Variants in ROBO4 observed in about 807,000 individuals in gnomAD.
ROBO4 encodes the protein roundabout guidance receptor 4.
ROBO4 carries 80 observed loss-of-function variants against 103.3 expected under a neutral mutation model. The ratio of observed to expected loss-of-function variants is 0.77; its 90% CI spans 0.65 to 0.93. The LOEUF (loss-of-function observed/expected upper bound fraction) is 0.93. Ranked by LOEUF, ROBO4 falls within the 40% of genes least tolerant of loss-of-function variation. The pLI, the probability that ROBO4 is intolerant of heterozygous loss-of-function variation, is 0.00. For missense variants in ROBO4, 1,333 were observed against 1,305.3 expected, an observed-to-expected ratio of 1.02 and a Z score of -0.33; for synonymous variants, 504 against 529.7, an observed-to-expected ratio of 0.95 and a Z score of 0.67.
In ROBO4 at chr11:124,897,217, G is replaced by C. The variant is rs1424556467; in HGVS notation, c.115C>G (p.Gln39Glu). The change falls in exon 2 of 18, where the codon CAG (glutamine) becomes GAG (glutamate). Residue 39 changes from glutamine to glutamate, a missense_variant. Gln to Glu is a conservative substitution (Grantham distance 29). Coordinates refer to ENST00000306534, the MANE Select transcript of ROBO4 (RefSeq NM_019055.6). ...DSPPQILVHP[Q>E]DQLFQGPGPA... ...CCAGGGCCCTGGAACAGCTGGTCCT[G>C]GGGGTGGACTAGGATCTGGGGCGGG... The C allele has an allele frequency of 2.0e-6, 3 of 1,483,440 alleles. No homozygotes were observed. Among genetic ancestry groups the C allele is most frequent in the African/African-American group, 2.8e-5 (2 of 71,302 alleles). The allele number at this position is 1,483,440 out of a possible 1,614,324, so 91.9% of individuals were successfully genotyped here.
intron 12 of ROBO4, among the ~76,000 whole-genome samples, chr11:124,889,745 G>C (rs550305372): frequency 5.1e-4 from 78 of 152,270 alleles, no homozygotes; most frequent in African/African-American, 1.9e-3. Context: ...CAAGGGGAGT[G>C]GGTGGTACTG....
chr11:124,884,641 G>C lies in ROBO4; in HGVS notation c.*250C>G, dbSNP rs1565320256. The C allele has an allele frequency of 1.7e-6, 1 of 586,300 alleles. No homozygotes were observed. The highest frequency in any genetic ancestry group is 3.0e-5 in the Admixed American group (1 of 33,472). The allele number at this position is 586,300 out of a possible 1,614,324, so 36.3% of individuals were successfully genotyped here. ...CCTGGTGGTGGGAGTGGATGGCACAGAGGAGAAAGCAGTGGCTAGGAGTCA... is the reference window on the plus strand; with the variant it reads ...CCTGGTGGTGGGAGTGGATGGCACACAGGAGAAAGCAGTGGCTAGGAGTCA... On this transcript the variant is annotated 3_prime_UTR_variant, in exon 18 of 18. Transcript: ENST00000306534.
Position 124,891,301 on chromosome 11 carries a change from T to A in ROBO4, c.1946A>T (p.Gln649Leu), listed in dbSNP as rs537736034. ...ATGTCTATTCTCCCCCTCCTTACCC[T>A]GCTTCTTTTTGGCCTTCCAAGCCTC... ...PAEAWKAKKK[Q>L]ELQHANSSPL... Residue 649 changes from glutamine to leucine, a missense_variant and splice_region_variant, in exon 12 of 18, where the codon CAG becomes CTG. Physicochemically the swap from Gln to Leu is moderately radical, Grantham distance 113 (BLOSUM62 -2). Transcript: ENST00000306534. The A allele has an allele frequency of 6.6e-7, 1 of 1,517,600 alleles. No homozygotes were observed. Among genetic ancestry groups the A allele is most frequent in the East Asian group, 2.3e-5 (1 of 44,032 alleles). The allele number at this position is 1,517,600 out of a possible 1,614,324, so 94.0% of individuals were successfully genotyped here. A position where few individuals can be genotyped will look rare whatever the true frequency, so the allele number is the denominator to read the frequency against.
chr11:124,897,352 G>T, intron 1 of ROBO4, 91 bp from the exon 2 acceptor site: 1 of 1,028,426 alleles, frequency 9.7e-7, no homozygotes, highest in Non-Finnish European at 1.4e-6. Flanking sequence ...TTGTGTGCGA[G>T]TTTGCCAGAA....
intron 16 of ROBO4, among the ~76,000 whole-genome samples, chr11:124,886,105 C>A (rs1946706591): frequency 6.6e-6 from 1 of 152,182 alleles, no homozygotes; most frequent in South Asian, 2.1e-4. Flanking sequence ...GCAGGAGAAT[C>A]TCTTGAACCT....
intron 10 of ROBO4, 91 bp from the exon 11 acceptor site, chr11:124,891,893 A>G: frequency 7.0e-7 from 1 of 1,432,992 alleles, no homozygotes; most frequent in Non-Finnish European, 9.6e-7. Context: ...AGGCAGCAGA[A>G]GAGGGCAAGG....
At chr11:124,887,559 C>A in intron 13 of ROBO4, 60 bp from the exon 14 acceptor site, 1 of 1,600,602 alleles carries the variant, frequency 6.2e-7, no homozygotes, top group Non-Finnish European at 8.5e-7. Flanking sequence ...TGGAGCTCAG[C>A]CTGCCGGCCT....
rs1057049738 is a variant in ROBO4, at chr11:124,895,776, G to T, written c.807+9C>A. The T allele has an allele frequency of 1.2e-6, 2 of 1,614,086 alleles. No individual in the cohort carries two copies. The highest frequency in any genetic ancestry group is 1.7e-6 in the Non-Finnish European group (2 of 1,180,028). ...GGATCGGCTTTTACCCTTAGCACCT[G>T]GTCCTCACCTTCCAGCTGAGCCACA... On this transcript the variant is annotated intron_variant, in intron 5 of 17. Coordinates refer to ENST00000306534, the MANE Select transcript of ROBO4 (RefSeq NM_019055.6).
intron 6 of ROBO4, 84 bp from the exon 7 acceptor site, chr11:124,895,277 G>A: frequency 8.2e-7 from 1 of 1,221,522 alleles, no homozygotes; most frequent in East Asian, 2.4e-5. Flanking sequence ...CACAGCGTCA[G>A]AACCCTACTG....
Position 124,895,447 on chromosome 11 carries a change from A to G in ROBO4, c.1036+10T>C. 1.2e-6 allele frequency: 2 copies of G among 1,607,182 alleles called. No individual in the cohort carries two copies. Among genetic ancestry groups the G allele is most frequent in the Non-Finnish European group, 1.7e-6 (2 of 1,179,030 alleles). On this transcript the variant is annotated intron_variant, in intron 6 of 17. Transcript: ENST00000306534. Reference sequence around the variant, plus strand: ...GATATTGTTGGCTTCTGAAGGGATCAGGCCCTGACCTTTTTCCGGCAGCCT... The same window carrying G: ...GATATTGTTGGCTTCTGAAGGGATCGGGCCCTGACCTTTTTCCGGCAGCCT...
intron 12 of ROBO4, among the ~76,000 whole-genome samples, chr11:124,890,833 G>T (rs1244080308): frequency 6.6e-6 from 1 of 152,194 alleles, no homozygotes; most frequent in Non-Finnish European, 1.5e-5. Flanking sequence ...CCTGTACATA[G>T]TACACCAGGA....
intron 4 of ROBO4, 134 bp downstream of exon 4, chr11:124,896,064 G>C (rs1946884138): frequency 6.6e-7 from 1 of 1,511,874 alleles, no homozygotes; most frequent in Admixed American, 1.8e-5. Context: ...TAGCAGGGGG[G>C]AACCTCCCGC....
rs60198081 is a variant in ROBO4 at position 124,891,947 on chromosome 11, G to A, written c.1548-145C>T. ...TACTACTGCTTTTCAGCTTTTCACA[G>A]ACTCCTTAAGATCTCTGACCTGGTC... On this transcript the variant is annotated intron_variant, in intron 10 of 17. Coordinates refer to ENST00000306534, the MANE Select transcript of ROBO4 (RefSeq NM_019055.6). The A allele has an allele frequency of 5.4e-3, 5,001 of 927,264 alleles. 161 individuals are homozygous for A. In the African/African-American group the frequency reaches 0.07, roughly 13 times the overall value. The allele number at this position is 927,264 out of a possible 1,614,324, so 57.4% of individuals were successfully genotyped here. A position where few individuals can be genotyped will look rare whatever the true frequency, so the allele number is the denominator to read the frequency against.
intron 3 of ROBO4, 28 bp from the exon 4 acceptor site, chr11:124,896,346 C>A (rs775450968): frequency 6.2e-7 from 1 of 1,612,794 alleles, no homozygotes; most frequent in Non-Finnish European, 8.5e-7. Flanking sequence ...ACTGTGAAGT[C>A]TCCTATGTGG....
rs757442273 is a variant in ROBO4, at chr11:124,886,484, T to C, written c.2774A>G (p.Glu925Gly). 1.2e-6 allele frequency: 2 copies of C among 1,613,840 alleles called. No homozygotes were observed. The highest frequency in any genetic ancestry group is 1.7e-6 in the Non-Finnish European group (2 of 1,179,768). Residue 925 changes from glutamate (E) to glycine (G), a missense_variant, in exon 16 of 18, where the codon GAG (glutamate) becomes GGG (glycine). Coordinates refer to ENST00000306534, the MANE Select transcript of ROBO4 (RefSeq NM_019055.6). ...CATACCTATGAAGACGCAGTCTGCC[T>C]CCCTGGGCTCTAGACCGAAACCAAA... ...DSFGFGLEPREADCVFIDASS... is the reference protein window; with the variant it reads ...DSFGFGLEPRGADCVFIDASS...
In ROBO4 at chr11:124,896,332, G is replaced by C. The variant is rs1946890075; in HGVS notation, c.559-14C>G. On this transcript the variant is annotated splice_polypyrimidine_tract_variant and intron_variant, in intron 3 of 17. Transcript: ENST00000306534. ...CCCCCCGGACACCTGTCAGGGCCAG[G>C]TTCACTGTGAAGTCTCCTATGTGGG... is the stretch of plus-strand genomic sequence containing the variant. The C allele has an allele frequency of 2.5e-6, 4 of 1,613,450 alleles. No homozygotes were observed. The highest frequency in any genetic ancestry group is 3.4e-6 in the Non-Finnish European group (4 of 1,179,848).
intron 13 of ROBO4, 68 bp from the exon 14 acceptor site, chr11:124,887,567 C>T (rs1431446114): frequency 2.5e-6 from 4 of 1,597,690 alleles, no homozygotes; most frequent in African/African-American, 1.3e-5. Context: ...AGCCTGCCGG[C>T]CTGCCCACCA....
intron 11 of ROBO4, 32 bp from the exon 12 acceptor site, chr11:124,891,594 G>A (rs759196170): frequency 1.2e-6 from 2 of 1,614,220 alleles, no homozygotes; most frequent in South Asian, 1.1e-5. Flanking sequence ...GAATTATGGT[G>A]AGCATGTCCT....
chr11:124,895,364 C>T (rs369060390), intron 6 of ROBO4, 93 bp downstream of exon 6: 24 of 1,290,360 alleles, frequency 1.9e-5, no homozygotes, highest in South Asian at 7.9e-5. Flanking sequence ...CCCATAATCT[C>T]CCCTCAAGAC....
Sources: allele counts gnomAD v4.1 joint callset (sites outside exome capture counted in the v4.1 genomes callset), GRCh38; gene constraint gnomAD v4.1.1; transcripts MANE v1.5; gene names NCBI Gene and HGNC (gene_info 2026-07-23, HGNC 2026-07-21).